Variants in AR observed in about 807,000 individuals in gnomAD.
AR encodes dihydrotestosterone receptor.
AR carries 8 observed loss-of-function variants against 53.9 expected under a neutral mutation model. The ratio of observed to expected loss-of-function variants is 0.15; its 90% CI spans 0.09 to 0.27. AR has a LOEUF of 0.27. AR is among the 10% of genes least tolerant of loss of function. The pLI is 1.00. For missense variants in AR, 639 were observed against 742.5 expected, an observed-to-expected ratio of 0.86 and a Z score of 1.62; for synonymous variants, 359 against 316.4, an observed-to-expected ratio of 1.13 and a Z score of -1.43.
At chrX:67,631,096 T>G (rs1156380840) in intron 1 of AR, among the ~76,000 whole-genome samples, 4 of 111,321 alleles carry the variant, frequency 3.6e-5, no homozygotes, top group South Asian at 3.8e-4. Flanking sequence ...TTCAACTTTT[T>G]TGAATCTGAC....
intron 1 of AR, among the ~76,000 whole-genome samples, chrX:67,582,216 T>C (rs979116976): frequency 3.6e-5 from 4 of 111,842 alleles, no homozygotes; most frequent in African/African-American, 1.3e-4. Context: ...TGTGTAGAAG[T>C]GATGGGCTCT....
chrX:67,721,051 T>C (rs2076133724), intron 5 of AR, among the ~76,000 whole-genome samples: 1 of 111,506 alleles, frequency 9.0e-6, no homozygotes, highest in Non-Finnish European at 1.9e-5. Flanking sequence ...CTTCCCCATA[T>C]AATTTATAGG....
At chrX:67,598,212 G>A (rs1288232063) in intron 1 of AR, among the ~76,000 whole-genome samples, 1 of 110,897 alleles carries the variant, frequency 9.0e-6, no homozygotes, top group Non-Finnish European at 1.9e-5. Flanking sequence ...TGAGGCAACA[G>A]TACAAAAAGT....
intron 2 of AR, among the ~76,000 whole-genome samples, chrX:67,680,143 T>C (rs1435227135): frequency 8.9e-6 from 1 of 112,179 alleles, no homozygotes; most frequent in Non-Finnish European, 1.9e-5. Flanking sequence ...TCTGACATTA[T>C]TTAGTGAATA....
At position 67,621,767 on chromosome X, in the gene AR, T is replaced by C. The variant is rs78445514; in HGVS notation, c.1617-21489T>C. ...AGTTCAATTAAATCAGAATACAGAA[T>C]GTTGAGAGGAGCATCAGTATTTTAA... On this transcript the variant is annotated intron_variant, in intron 1 of 7. Coordinates refer to ENST00000374690, the MANE Select transcript of AR (RefSeq NM_000044.6). 0.014 allele frequency among the ~76,000 whole-genome samples: 1,575 copies of C among 111,574 alleles called. 30 individuals are homozygous for C. In the East Asian group the frequency reaches 0.14, roughly 10 times the overall value.
At chrX:67,570,152 C>T (rs762508740) in intron 1 of AR, among the ~76,000 whole-genome samples, 2 of 111,659 alleles carry the variant, frequency 1.8e-5, no homozygotes, top group Admixed American at 9.5e-5. Context: ...TGTGTTTGTC[C>T]CTGTGTGTGC....
chrX:67,626,559 G>A (rs1349632327), intron 1 of AR, among the ~76,000 whole-genome samples: 1 of 94,553 alleles, frequency 1.1e-5, no homozygotes, highest in Admixed American at 1.3e-4. Flanking sequence ...TCCTGCCTCA[G>A]CCTCCTGAGT....
intron 6 of AR, 37 bp downstream of exon 6, chrX:67,722,000 G>T (rs747854050): frequency 5.8e-6 from 7 of 1,205,523 alleles, no homozygotes; most frequent in Admixed American, 2.2e-5. Flanking sequence ...CCCCCTGAGG[G>T]CACAGAGATT....
intron 3 of AR, among the ~76,000 whole-genome samples, chrX:67,709,316 T>C (rs1363691185): frequency 2.7e-5 from 3 of 112,244 alleles, no homozygotes; most frequent in Non-Finnish European, 5.6e-5. Flanking sequence ...CTGCTTTGTT[T>C]ACCTACTCAA....
At chrX:67,630,057 A>G (rs1306502022) in intron 1 of AR, among the ~76,000 whole-genome samples, 1 of 110,952 alleles carries the variant, frequency 9.0e-6, no homozygotes, top group Non-Finnish European at 1.9e-5. Context: ...TTTACTTCCA[A>G]CTATGTGGTC....
At chrX:67,624,021 A>T (rs1486121309) in intron 1 of AR, among the ~76,000 whole-genome samples, 1 of 110,832 alleles carries the variant, frequency 9.0e-6, no homozygotes, top group Non-Finnish European at 1.9e-5. Flanking sequence ...GGCATGGAAG[A>T]CATGTCTTCA....
rs1922536799 is a variant in AR at position 67,586,171 on chromosome X, T to A, written c.1616+39409T>A. ...GATATTTTGAGGAAGCATAATTTTC[T>A]ATGTACCCCTCAAATCGTGGCTGGA... is the stretch of plus-strand genomic sequence containing the variant. On this transcript the variant is annotated intron_variant, in intron 1 of 7. Transcript: ENST00000374690. 2.7e-5 allele frequency among the ~76,000 whole-genome samples: 3 copies of A among 111,737 alleles called. No homozygotes were observed. The South Asian group carries it at 1.1e-3, about 42-fold the overall frequency.
At chrX:67,634,774 TC>T (rs1925342789) in intron 1 of AR, among the ~76,000 whole-genome samples, 1 of 111,442 alleles carries the variant, frequency 9.0e-6, no homozygotes, top group African/African-American at 3.3e-5. Flanking sequence ...GCACAATAGA[TC>T]TATAAGGAGA....
chrX:67,628,987 C>T (rs1924883350), intron 1 of AR, among the ~76,000 whole-genome samples: 1 of 111,425 alleles, frequency 9.0e-6, no homozygotes, highest in African/African-American at 3.3e-5. Context: ...AGGATGAAGC[C>T]CACTTGATCA....
intron 1 of AR, among the ~76,000 whole-genome samples, chrX:67,591,312 G>C (rs778676649): frequency 2.7e-5 from 3 of 109,715 alleles, no homozygotes; most frequent in Non-Finnish European, 5.7e-5. Flanking sequence ...AATATATATC[G>C]CTGTAAGGTT....
At chrX:67,640,685 G>T (rs1412796345) in intron 1 of AR, among the ~76,000 whole-genome samples, 1 of 110,519 alleles carries the variant, frequency 9.0e-6, no homozygotes, top group Non-Finnish European at 1.9e-5. Flanking sequence ...ATTTTTTATT[G>T]CATCTGTGAT....
intron 1 of AR, among the ~76,000 whole-genome samples, chrX:67,631,250 C>A (rs1057219949): frequency 9.0e-6 from 1 of 111,655 alleles, no homozygotes; most frequent in Non-Finnish European, 1.9e-5. Context: ...AACTTGGTTC[C>A]ATTCTCCCCG....
rs1328869308 is a variant in AR at position 67,643,422 on chromosome X, A to C, written c.1768+15A>C. The stretch of plus-strand genomic sequence containing the variant: ...AGCCGCTGAAGGTAAAGGGTCTTGC[A>C]CATGCACTTCTCTTTCCCTTTCTCC... On this transcript the variant is annotated intron_variant, in intron 2 of 7. Transcript: ENST00000374690. The C allele has an allele frequency of 8.3e-7, 1 of 1,202,231 alleles. No homozygotes were observed.
At chrX:67,607,778 C>T (rs1923697227) in intron 1 of AR, among the ~76,000 whole-genome samples, 1 of 112,117 alleles carries the variant, frequency 8.9e-6, no homozygotes, top group Non-Finnish European at 1.9e-5. Flanking sequence ...GAAAAACCTC[C>T]ACTTAATTTT....
Sources: gnomAD v4.1 joint callset for allele counts (sites outside exome capture counted in the v4.1 genomes callset) on GRCh38, gnomAD v4.1.1 for gene constraint, MANE v1.5 for transcripts, NCBI Gene and HGNC (gene_info 2026-07-23, HGNC 2026-07-21) for gene names.